Variants in HIVEP1 observed in about 807,000 individuals in gnomAD.
The protein encoded by HIVEP1 is zinc finger protein 40.
Under a neutral mutation model 180.0 loss-of-function variants are expected in HIVEP1, and 36 were observed. That is an observed-to-expected ratio of 0.20 (90% CI 0.15 to 0.26). The LOEUF is 0.26. Among genes scored for constraint, HIVEP1 ranks in the 10% least tolerant of loss-of-function variants. HIVEP1 has a pLI of 1.00. For missense variants in HIVEP1, 3,143 were observed against 3,268.7 expected (o/e 0.96, Z 0.94); for synonymous variants, 1,239 against 1,239.0 (o/e 1.00, Z 0.00).
At chr6:12,168,394 A>ATGT (rs1562025142), downstream of HIVEP1, among the ~76,000 whole-genome samples, 1,684 of 114,382 alleles carry the variant, frequency 0.015, 23 homozygotes, top group Middle Eastern at 0.029. Context: ...GTATATATAT[A>ATGT]ATATTTTATA....
intron 7 of HIVEP1, among the ~76,000 whole-genome samples, chr6:12,142,186 C>G (rs1207903370): frequency 2.0e-5 from 3 of 152,318 alleles, no homozygotes; most frequent in African/African-American, 4.8e-5. Context: ...CAAACTGTCT[C>G]TCAGACCACA....
chr6:12,130,224 CT>C (rs1354353463), intron 5 of HIVEP1, among the ~76,000 whole-genome samples: 4 of 152,148 alleles, frequency 2.6e-5, no homozygotes, highest in African/African-American at 9.7e-5. Context: ...CATTAGATAT[CT>C]TTGTGTATTT....
chr6:12,045,176 T>C (rs1247174959), intron 2 of HIVEP1, among the ~76,000 whole-genome samples: 1 of 152,198 alleles, frequency 6.6e-6, no homozygotes, highest in East Asian at 1.9e-4. Context: ...TTTATTCATA[T>C]GCTTGATCAG....
intron 7 of HIVEP1, among the ~76,000 whole-genome samples, chr6:12,155,754 G>T (rs1760002319): frequency 6.6e-6 from 1 of 152,026 alleles, no homozygotes; most frequent in African/African-American, 2.4e-5. Flanking sequence ...TGTTCCTTTG[G>T]GTATATACCC....
At chr6:12,140,091 C>T (rs888073163) in intron 7 of HIVEP1, among the ~76,000 whole-genome samples, 3 of 152,194 alleles carry the variant, frequency 2.0e-5, no homozygotes, top group African/African-American at 4.8e-5. Flanking sequence ...CCGTAGGGGC[C>T]GACTGACACC....
the HIVEP1 span, among the ~76,000 whole-genome samples, chr6:12,193,058 T>G: frequency 6.6e-6 from 1 of 152,196 alleles, no homozygotes; most frequent in Non-Finnish European, 1.5e-5. Context: ...AGAGCTGTTA[T>G]AAGGCTTACT....
intron 2 of HIVEP1, among the ~76,000 whole-genome samples, chr6:12,026,757 C>T (rs1280722328): frequency 2.0e-5 from 3 of 152,268 alleles, no homozygotes; most frequent in Middle Eastern, 3.4e-3. Context: ...AAACTGGTAA[C>T]AGTTTAAAAG....
chr6:12,136,458 G>A (rs1010013438), intron 7 of HIVEP1, among the ~76,000 whole-genome samples: 1 of 152,136 alleles, frequency 6.6e-6, no homozygotes, highest in Non-Finnish European at 1.5e-5. Flanking sequence ...ACCTCTTGCA[G>A]GAAACAATTC....
chr6:12,120,451 T>C lies in HIVEP1; in HGVS notation c.656T>C (p.Ile219Thr), dbSNP rs1183832422. The C allele has an allele frequency of 6.2e-7, 1 of 1,614,130 alleles. No individual in the cohort carries two copies. Among genetic ancestry groups the C allele is most frequent in the East Asian group, 2.2e-5 (1 of 44,886 alleles). Reference sequence around the variant, plus strand: ...TCACAAAAGGGCTCACCTTGTGCAATTAAGACAGAAAAACTGAGGCCAAAT... The same window carrying C: ...TCACAAAAGGGCTCACCTTGTGCAACTAAGACAGAAAAACTGAGGCCAAAT... ...TLSQKGSPCA[I>T]KTEKLRPNKT... The change falls in exon 4 of 9, where the codon ATT becomes ACT. Residue 219 changes from isoleucine to threonine, a missense_variant. Ile to Thr is a moderately conservative substitution (Grantham distance 89, BLOSUM62 -1). Transcript: ENST00000379388.
chr6:12,186,760 C>T, the HIVEP1 span, among the ~76,000 whole-genome samples: 2 of 152,016 alleles, frequency 1.3e-5, no homozygotes, highest in South Asian at 4.2e-4. Context: ...AAAATGTGAC[C>T]AAATACCCAG....
chr6:12,034,836 C>G (rs1218703171), intron 2 of HIVEP1, among the ~76,000 whole-genome samples: 1 of 152,164 alleles, frequency 6.6e-6, no homozygotes, highest in African/African-American at 2.4e-5. Flanking sequence ...AGTGTGGTTT[C>G]TTGACCTGGG....
chr6:12,080,792 T>G (rs1772738030), intron 2 of HIVEP1, among the ~76,000 whole-genome samples: 1 of 152,198 alleles, frequency 6.6e-6, no homozygotes, highest in African/African-American at 2.4e-5. Flanking sequence ...TTTTAAATTT[T>G]ATTATAGAAT....
At chr6:12,154,102 A>G (rs1225077588) in intron 7 of HIVEP1, among the ~76,000 whole-genome samples, 1 of 152,204 alleles carries the variant, frequency 6.6e-6, no homozygotes, top group Non-Finnish European at 1.5e-5. Context: ...GTACATGTGT[A>G]TTCCATATAT....
At chr6:12,186,462 C>A in the HIVEP1 span, among the ~76,000 whole-genome samples, 1 of 149,654 alleles carries the variant, frequency 6.7e-6, no homozygotes, top group African/African-American at 2.5e-5. Flanking sequence ...TGTGAAGGAA[C>A]TTTCTGGGAT....
chr6:12,086,037 CAA>C (rs997377071), intron 2 of HIVEP1, among the ~76,000 whole-genome samples: 31 of 152,216 alleles, frequency 2.0e-4, no homozygotes, highest in African/African-American at 7.5e-4. Flanking sequence ...AGGTATCACA[CAA>C]GATAGTTCTT....
At chr6:12,021,945 A>C (rs534369924) in intron 2 of HIVEP1, among the ~76,000 whole-genome samples, 1 of 152,246 alleles carries the variant, frequency 6.6e-6, no homozygotes, top group East Asian at 1.9e-4. Flanking sequence ...GATTACAGGC[A>C]TGAGCCACTT....
intron 1 of HIVEP1, among the ~76,000 whole-genome samples, chr6:12,015,289 G>GT (rs1377797093): frequency 6.6e-6 from 1 of 152,084 alleles, no homozygotes; most frequent in Admixed American, 6.5e-5. Flanking sequence ...CACAAAGTGA[G>GT]TTTTTTTACT....
Position 12,125,816 on chromosome 6 carries a change from T to C in HIVEP1, c.6021T>C (p.His2007=). ...TATACTGTCAAGCAATAACTACCCA[T>C]TCCAAGTCAGACTTATTGGTCTATT... ...KSLYCQAITT[H]SKSDLLVYSS... Residue 2007 remains histidine (H), a synonymous_variant, in exon 4 of 9, where the codon CAT becomes CAC. Transcript: ENST00000379388. 6.2e-7 allele frequency: 1 copy of C among 1,613,586 alleles called. No homozygotes were observed. The highest frequency in any genetic ancestry group is 8.5e-7 in the Non-Finnish European group (1 of 1,179,794).
chr6:12,022,580 G>A (rs756594671), intron 2 of HIVEP1, among the ~76,000 whole-genome samples: 2 of 152,312 alleles, frequency 1.3e-5, no homozygotes, highest in Non-Finnish European at 2.9e-5. Flanking sequence ...TTCCTTGTGT[G>A]TAAAATGGAG....
Sources: gnomAD v4.1 joint callset for allele counts (sites outside exome capture counted in the v4.1 genomes callset) on GRCh38, gnomAD v4.1.1 for gene constraint, MANE v1.5 for transcripts, NCBI Gene and HGNC (gene_info 2026-07-23, HGNC 2026-07-21) for gene names.